The following MON2 variants were observed in gnomAD, a reference collection of about 807,000 sequenced individuals.
MON2 encodes the protein MON2 regulator of endosome-to-Golgi trafficking, also known as protein MON2 homolog.
MON2 carries 84 observed loss-of-function variants against 208.6 expected under a neutral mutation model. The observed-to-expected ratio is 0.40, with a 90% CI of 0.34 to 0.48. The LOEUF (loss-of-function observed/expected upper bound fraction) is 0.48. MON2 is among the 20% of genes least tolerant of loss of function. The probability of loss-of-function intolerance (pLI) is 0.59; values close to 1 mark genes in which losing one functional copy is unlikely to be tolerated. For missense variants in MON2, 1,611 were observed against 2,015.4 expected (o/e 0.80, Z 3.84); for synonymous variants, 660 against 694.0 (o/e 0.95, Z 0.77).
rs1384132708 is a variant in MON2, at chr12:62,466,923, C to T, written c.-285C>T. ...GGTGACACCCGGTGTGGCTGGGCCC[C>T]GCGGCAGCGGAGGGACCTGCCCGCC... On this transcript the variant is annotated 5_prime_UTR_variant, in exon 1 of 35. Coordinates refer to ENST00000393630, the MANE Select transcript of MON2 (RefSeq NM_015026.3). The T allele has an allele frequency of 1.4e-5, 7 of 497,480 alleles. No homozygotes were observed. The highest frequency in any genetic ancestry group is 2.5e-5 in the Non-Finnish European group (7 of 281,500). The allele number at this position is 497,480 out of a possible 1,614,324, so 30.8% of individuals were successfully genotyped here.
At chr12:62,551,968 T>A (rs946280822) in intron 23 of MON2, among the ~76,000 whole-genome samples, 3 of 151,828 alleles carry the variant, frequency 2.0e-5, no homozygotes, top group African/African-American at 4.8e-5. Context: ...AAATAGAAAA[T>A]TTTTTTTTAA....
Position 62,532,667 on chromosome 12 carries a change from A to G in MON2, c.1630A>G (p.Ile544Val). The G allele has an allele frequency of 1.3e-6, 2 of 1,599,974 alleles. No homozygotes were observed. The highest frequency in any genetic ancestry group is 1.7e-6 in the Non-Finnish European group (2 of 1,167,274). ...AACATCAGACCAAATGGATAAGGAA[A>G]TTGGTATGAGTCTGTATTTTTAATT... is the stretch of plus-strand genomic sequence containing the variant. ...QSTSDQMDKE[I>V]VSRAVWEEMV... Residue 544 changes from isoleucine (I) to valine (V), a missense_variant, in exon 12 of 35, where the codon ATT (isoleucine) becomes GTT (valine). Physicochemically the swap from Ile to Val is conservative, Grantham distance 29. Coordinates refer to ENST00000393630, the MANE Select transcript of MON2 (RefSeq NM_015026.3).
At chr12:62,487,676 A>G (rs570107544) in intron 2 of MON2, among the ~76,000 whole-genome samples, 2 of 151,644 alleles carry the variant, frequency 1.3e-5, no homozygotes, top group Admixed American at 6.6e-5. Flanking sequence ...ATACATTTAT[A>G]TTTATATATT....
chr12:62,470,786 T>C (rs563777935), intron 1 of MON2: 2 of 1,043,554 alleles, frequency 1.9e-6, no homozygotes, highest in African/African-American at 3.4e-5. Flanking sequence ...GTTGTTAGTA[T>C]TCCATGTAAA....
chr12:62,554,939 C>T (rs190098737), intron 24 of MON2, among the ~76,000 whole-genome samples: 7 of 151,098 alleles, frequency 4.6e-5, no homozygotes, highest in South Asian at 4.2e-4. Flanking sequence ...GGACTACACG[C>T]GCCCGCCACC....
At chr12:62,570,405 C>T (rs2074547423) in intron 29 of MON2, among the ~76,000 whole-genome samples, 1 of 152,150 alleles carries the variant, frequency 6.6e-6, no homozygotes, top group African/African-American at 2.4e-5. Context: ...ACAGATAGAA[C>T]ATACAACTTC....
rs767151337 is a variant in MON2 at position 62,484,204 on chromosome 12, TTGC to T, written c.150_152del (p.Ala51del). 1 of 1,602,586 alleles carries T rather than the reference TTGC, an allele frequency of 6.2e-7. No individual in the cohort carries two copies. Among genetic ancestry groups the T allele is most frequent in the African/African-American group, 1.3e-5 (1 of 74,576 alleles). Reference sequence around the variant, plus strand: ...TCAGGAATAATAAAAGTTAAAACAATTGCTGCACGAAACACTGAAATTTTGGCA... The same window carrying T: ...TCAGGAATAATAAAAGTTAAAACAATTGCACGAAACACTGAAATTTTGGCA... On this transcript the variant is annotated inframe_deletion, in exon 2 of 35. Coordinates refer to ENST00000393630, the MANE Select transcript of MON2 (RefSeq NM_015026.3).
At chr12:62,494,420 A>G (rs1313567664) in intron 3 of MON2, among the ~76,000 whole-genome samples, 1 of 152,212 alleles carries the variant, frequency 6.6e-6, no homozygotes, top group African/African-American at 2.4e-5. Flanking sequence ...TATTGTTCAT[A>G]TCTAACCTTA....
intron 34 of MON2, among the ~76,000 whole-genome samples, chr12:62,591,964 T>C (rs771867602): frequency 1.6e-4 from 25 of 152,236 alleles, no homozygotes; most frequent in Non-Finnish European, 3.2e-4. Context: ...TATAACACTT[T>C]TGTCCTTTCA....
chr12:62,534,542 A>AAAAATATATATATAT (rs1555169522), intron 12 of MON2, among the ~76,000 whole-genome samples: 3 of 22,848 alleles, frequency 1.3e-4, no homozygotes, highest in Non-Finnish European at 2.2e-4. Context: ...AAAAAAAAAA[A>AAAAATATATATATAT]ATATATATAT....
chr12:62,485,773 G>A (rs186304120), intron 2 of MON2, among the ~76,000 whole-genome samples: 7 of 151,848 alleles, frequency 4.6e-5, no homozygotes, highest in South Asian at 4.2e-4. Context: ...GTGTGGTCTC[G>A]GCTTACTGCA....
intron 2 of MON2, among the ~76,000 whole-genome samples, chr12:62,485,692 T>G (rs946115260): frequency 2.6e-5 from 4 of 151,688 alleles, no homozygotes; most frequent in East Asian, 1.9e-4. Context: ...GGCAAGTGGG[T>G]TTTTTTTGTT....
chr12:62,497,087 C>T (rs1470638480), intron 4 of MON2, among the ~76,000 whole-genome samples: 25 of 139,060 alleles, frequency 1.8e-4, no homozygotes, highest in African/African-American at 6.6e-4. Context: ...TATTCTCACT[C>T]ATAGGTGGGA....
intron 5 of MON2, among the ~76,000 whole-genome samples, chr12:62,499,833 A>G (rs2136076003): frequency 6.6e-6 from 1 of 152,170 alleles, no homozygotes; most frequent in Non-Finnish European, 1.5e-5. Context: ...TGATTGCACC[A>G]CTGCACTCCA....
At chr12:62,538,652 T>C (rs2136243008) in intron 19 of MON2, 147 bp downstream of exon 19, 1 of 607,692 alleles carries the variant, frequency 1.6e-6, no homozygotes, top group South Asian at 2.2e-5. Context: ...CTTATCGTTA[T>C]TTGTCGAAGG....
chr12:62,479,431 T>A, intron 1 of MON2, among the ~76,000 whole-genome samples: 1 of 117,136 alleles, frequency 8.5e-6, no homozygotes. Context: ...TGTGTGTATA[T>A]CCCCCCCCCC....
At chr12:62,505,233 C>T (rs2071038751) in intron 7 of MON2, among the ~76,000 whole-genome samples, 2 of 152,130 alleles carry the variant, frequency 1.3e-5, no homozygotes, top group African/African-American at 2.4e-5. Context: ...ACACATTATT[C>T]ATATATATAC....
intron 10 of MON2, 147 bp downstream of exon 10, chr12:62,525,367 A>G: frequency 1.4e-6 from 1 of 731,986 alleles, no homozygotes; most frequent in East Asian, 2.7e-5. Context: ...TGAAAGAATA[A>G]TCTGATCTCA....
intron 8 of MON2, among the ~76,000 whole-genome samples, chr12:62,517,705 G>A (rs1177031193): frequency 6.6e-6 from 1 of 152,074 alleles, no homozygotes; most frequent in Non-Finnish European, 1.5e-5. Context: ...CATATTTCCA[G>A]CCTCCAGAAT....
Sources: allele counts gnomAD v4.1 joint callset (sites outside exome capture counted in the v4.1 genomes callset), GRCh38; gene constraint gnomAD v4.1.1; transcripts MANE v1.5; gene names NCBI Gene and HGNC (gene_info 2026-07-23, HGNC 2026-07-21).